The following ERG variants were observed in gnomAD, a reference collection of about 807,000 sequenced individuals.
The protein encoded by ERG is ETS transcription factor ERG.
Under a neutral mutation model 55.3 loss-of-function variants are expected in ERG, and 9 were observed. That is an observed-to-expected ratio of 0.16 (90% CI 0.10 to 0.28). ERG has a LOEUF of 0.28. Ranked by LOEUF, ERG falls within the 10% of genes least tolerant of loss-of-function variation. The pLI is 1.00. For missense variants in ERG, 434 were observed against 631.6 expected (o/e 0.69, Z 3.35); for synonymous variants, 223 against 237.3 (o/e 0.94, Z 0.55).
chr21:38,635,005 C>T lies in ERG; in HGVS notation c.-150+26653G>A, dbSNP rs927210148. Among the ~76,000 whole-genome samples, 7 of 152,260 alleles carry T rather than the reference C, an allele frequency of 4.6e-5. No homozygotes were observed. In the South Asian group the frequency reaches 1.2e-3, roughly 27 times the overall value. On this transcript the variant is annotated intron_variant, in intron 1 of 10. Coordinates refer to the ERG transcript ENST00000398910. ...TGAGCCGCCAAACCACGAAAAAACACGGAGGAATCCTGAGTGCATATTGCT... is the reference window on the plus strand; with the variant it reads ...TGAGCCGCCAAACCACGAAAAAACATGGAGGAATCCTGAGTGCATATTGCT...
chr21:38,575,794 T>G, intron 1 of ERG: 1 of 1,384,236 alleles, frequency 7.2e-7, no homozygotes, highest in South Asian at 1.2e-5. Flanking sequence ...CAACTGCATT[T>G]CTGTGTTTTA....
chr21:38,433,174 G>C (rs947492572), intron 2 of ERG, among the ~76,000 whole-genome samples: 2 of 152,182 alleles, frequency 1.3e-5, no homozygotes, highest in Non-Finnish European at 2.9e-5. Flanking sequence ...GCCCAGCAGG[G>C]TGCATGTTTT....
At chr21:38,394,431 C>A (rs111707935) in intron 6 of ERG, among the ~76,000 whole-genome samples, 3,050 of 151,918 alleles carry the variant, frequency 0.02, 93 homozygotes, top group African/African-American at 0.069. Context: ...CGGCTCACTG[C>A]AAGCTCCACC....
At chr21:38,599,006 C>T (rs1196241137) in intron 1 of ERG, among the ~76,000 whole-genome samples, 1 of 152,188 alleles carries the variant, frequency 6.6e-6, no homozygotes, top group Non-Finnish European at 1.5e-5. Context: ...TGCAGATGCA[C>T]CAACCTCAAG....
intron 1 of ERG, chr21:38,660,405 G>C (rs1342938667): frequency 6.6e-6 from 1 of 152,440 alleles, no homozygotes; most frequent in East Asian, 1.9e-4. Flanking sequence ...TCCCGGCGCC[G>C]TCGGAAGAGC....
At chr21:38,450,703 T>C (rs1220007732) in intron 1 of ERG, among the ~76,000 whole-genome samples, 1 of 152,254 alleles carries the variant, frequency 6.6e-6, no homozygotes, top group African/African-American at 2.4e-5. Context: ...AATTCTATTT[T>C]GTTGATTACA....
At chr21:38,376,853 C>T (rs866238862), downstream of ERG, among the ~76,000 whole-genome samples, 2 of 152,222 alleles carry the variant, frequency 1.3e-5, no homozygotes, top group African/African-American at 2.4e-5. Context: ...GCCTGGAGTC[C>T]GCCTGCGTCC....
intron 1 of ERG, among the ~76,000 whole-genome samples, chr21:38,633,470 A>T (rs372302280): frequency 6.6e-6 from 1 of 152,234 alleles, no homozygotes; most frequent in African/African-American, 2.4e-5. Context: ...ATGTGTGTAA[A>T]GCATACAACA....
chr21:38,454,506 T>C (rs2058970095), intron 1 of ERG, among the ~76,000 whole-genome samples: 2 of 151,240 alleles, frequency 1.3e-5, no homozygotes, highest in Admixed American at 1.3e-4. Context: ...AAGTGCTGCA[T>C]TATCCTTTTT....
At chr21:38,652,859 C>A (rs1009983652) in intron 1 of ERG, among the ~76,000 whole-genome samples, 2 of 152,196 alleles carry the variant, frequency 1.3e-5, no homozygotes, top group African/African-American at 4.8e-5. Flanking sequence ...ACTGAGGATG[C>A]CACTCTTGTT....
chr21:38,520,365 G>A (rs7280887), intron 2 of ERG, among the ~76,000 whole-genome samples: 2,384 of 152,240 alleles, frequency 0.016, 72 homozygotes, highest in African/African-American at 0.054. Flanking sequence ...TAGACTGAAG[G>A]ATCAGCTCCT....
intron 1 of ERG, among the ~76,000 whole-genome samples, chr21:38,604,780 C>T (rs964025974): frequency 2.6e-5 from 4 of 152,188 alleles, no homozygotes; most frequent in Admixed American, 6.5e-5. Context: ...ACTCAAGGAC[C>T]GTTCTCTGAT....
chr21:38,409,698 C>T (rs1988953498), intron 3 of ERG, among the ~76,000 whole-genome samples: 1 of 152,054 alleles, frequency 6.6e-6, no homozygotes, highest in Admixed American at 6.5e-5. Flanking sequence ...AAATATCTGA[C>T]ATGTTTAAGA....
chr21:38,588,634 A>G (rs920266325), upstream of ERG, among the ~76,000 whole-genome samples: 4 of 152,138 alleles, frequency 2.6e-5, no homozygotes, highest in African/African-American at 9.7e-5. Flanking sequence ...TGTGAGTAAG[A>G]GGCTCTGACT....
At chr21:38,585,461 G>C (rs1387299653), upstream of ERG, among the ~76,000 whole-genome samples, 1 of 137,618 alleles carries the variant, frequency 7.3e-6, no homozygotes, top group East Asian at 2.3e-4. Context: ...TAGCTAAAAA[G>C]ATAGAAAGAA....
At chr21:38,561,871 C>G (rs2059895070) in intron 2 of ERG, among the ~76,000 whole-genome samples, 1 of 152,132 alleles carries the variant, frequency 6.6e-6, no homozygotes, top group Non-Finnish European at 1.5e-5. Context: ...TAACTAATAG[C>G]CATGCTTCAG....
At chr21:38,513,216 T>G (rs1468182356) in intron 2 of ERG, among the ~76,000 whole-genome samples, 1 of 152,062 alleles carries the variant, frequency 6.6e-6, no homozygotes, top group Non-Finnish European at 1.5e-5. Flanking sequence ...GGTTGAAGCT[T>G]ATTCATTGAG....
At chr21:38,430,480 T>C (rs1250294714) in intron 2 of ERG, among the ~76,000 whole-genome samples, 1 of 152,202 alleles carries the variant, frequency 6.6e-6, no homozygotes, top group Non-Finnish European at 1.5e-5. Context: ...TGAACTGTTA[T>C]TCTCAAATTT....
chr21:38,629,778 G>A (rs2060346453), intron 1 of ERG, among the ~76,000 whole-genome samples: 1 of 152,028 alleles, frequency 6.6e-6, no homozygotes, highest in Non-Finnish European at 1.5e-5. Flanking sequence ...ATCAAAAGCA[G>A]GAATTCACAC....
Sources: allele counts gnomAD v4.1 joint callset (sites outside exome capture counted in the v4.1 genomes callset), GRCh38; gene constraint gnomAD v4.1.1; transcripts MANE v1.5; gene names NCBI Gene and HGNC (gene_info 2026-07-23, HGNC 2026-07-21).